Variants in DPYD observed in about 807,000 individuals in gnomAD.
DPYD encodes the protein dihydropyrimidine dehydrogenase, also known as dihydropyrimidine dehydrogenase [NADP(+)].
Under a neutral mutation model 116.2 loss-of-function variants are expected in DPYD, and 109 were observed. That is an observed-to-expected ratio of 0.94 (90% CI 0.80 to 1.10). The LOEUF (loss-of-function observed/expected upper bound fraction) is 1.10, where lower values mean the gene tolerates loss of function less well. Ranked by LOEUF, DPYD falls within the 50% of genes least tolerant of loss-of-function variation. The probability of loss-of-function intolerance (pLI) is 0.00; values close to 1 mark genes in which losing one functional copy is unlikely to be tolerated. For synonymous variants in DPYD, 440 were observed against 432.0 expected, an observed-to-expected ratio of 1.02 and a Z score of -0.23; for missense variants, 1,302 against 1,254.5, an observed-to-expected ratio of 1.04 and a Z score of -0.57.
intron 12 of DPYD, among the ~76,000 whole-genome samples, chr1:97,534,396 C>G (rs964884073): frequency 6.6e-6 from 1 of 152,034 alleles, no homozygotes; most frequent in Non-Finnish European, 1.5e-5. Context: ...GTTCTGACTT[C>G]CACATGCTCA....
intron 1 of DPYD, among the ~76,000 whole-genome samples, chr1:97,912,280 T>C (rs764314745): frequency 3.0e-4 from 45 of 151,402 alleles, no homozygotes; most frequent in Non-Finnish European, 6.2e-4. Context: ...TTTAAGCAAA[T>C]AAAAAAAAAT....
At chr1:97,682,713 G>T (rs1190158614) in intron 7 of DPYD, among the ~76,000 whole-genome samples, 1 of 151,832 alleles carries the variant, frequency 6.6e-6, no homozygotes, top group Middle Eastern at 3.2e-3. Context: ...TCATATTACG[G>T]GCATTTTGTT....
intron 20 of DPYD, among the ~76,000 whole-genome samples, chr1:97,191,727 T>C (rs1658386683): frequency 6.6e-6 from 1 of 152,190 alleles, no homozygotes; most frequent in African/African-American, 2.4e-5. Context: ...AATGATTTTA[T>C]AGATGGTCAT....
intron 16 of DPYD, among the ~76,000 whole-genome samples, chr1:97,365,401 TA>T (rs1316064212): frequency 6.6e-6 from 1 of 152,218 alleles, no homozygotes; most frequent in Non-Finnish European, 1.5e-5. Context: ...AATCATGAAC[TA>T]AGACCATAGC....
chr1:97,891,106 C>A (rs1316245573), intron 1 of DPYD, among the ~76,000 whole-genome samples: 1 of 151,850 alleles, frequency 6.6e-6, no homozygotes, highest in Admixed American at 6.6e-5. Context: ...TGGTTCAGAG[C>A]TGTTAAAAAT....
At chr1:97,374,677 C>CCACTG (rs1289499245) in intron 15 of DPYD, among the ~76,000 whole-genome samples, 2 of 134,084 alleles carry the variant, frequency 1.5e-5, no homozygotes, top group South Asian at 4.8e-4. Context: ...TGAGATCGCA[C>CCACTG]CACTGCACTC....
intron 2 of DPYD, among the ~76,000 whole-genome samples, chr1:97,843,811 T>C (rs1046494269): frequency 6.6e-6 from 1 of 152,210 alleles, no homozygotes; most frequent in Non-Finnish European, 1.5e-5. Context: ...CTAAATATTC[T>C]AGGCATCTGC....
chr1:97,237,241 CAAAAAAAAAAAAAAAAAAAA>C (rs58926889), intron 18 of DPYD, among the ~76,000 whole-genome samples: 2 of 57,700 alleles, frequency 3.5e-5, no homozygotes, highest in African/African-American at 1.4e-4. Context: ...GATTCTGTCT[CAAAAAAAAAAAAAAAAAAAA>C]AAAAAAAAAA....
At chr1:97,445,168 A>C (rs147410827) in intron 14 of DPYD, among the ~76,000 whole-genome samples, 1 of 152,202 alleles carries the variant, frequency 6.6e-6, no homozygotes, top group Non-Finnish European at 1.5e-5. Context: ...CCTCTTCCAC[A>C]GTCATAACTA....
chr1:97,418,733 C>T (rs1483812964), intron 14 of DPYD, among the ~76,000 whole-genome samples: 2 of 151,982 alleles, frequency 1.3e-5, no homozygotes, highest in African/African-American at 2.4e-5. Flanking sequence ...CTTCTCAGTG[C>T]AAAAATACAC....
intron 16 of DPYD, among the ~76,000 whole-genome samples, chr1:97,342,086 T>C (rs1669614133): frequency 6.6e-6 from 1 of 152,218 alleles, no homozygotes; most frequent in Admixed American, 6.5e-5. Context: ...CTTGAGTCAA[T>C]GAATTTATTT....
At chr1:97,755,787 G>T (rs754535693) in intron 3 of DPYD, among the ~76,000 whole-genome samples, 2 of 152,108 alleles carry the variant, frequency 1.3e-5, no homozygotes, top group Non-Finnish European at 2.9e-5. Flanking sequence ...GCTAATTATA[G>T]TCTAGACATC....
chr1:97,430,468 T>C (rs1189085139), intron 14 of DPYD, among the ~76,000 whole-genome samples: 2 of 152,164 alleles, frequency 1.3e-5, no homozygotes, highest in Admixed American at 6.6e-5. Flanking sequence ...ATATGTCCTT[T>C]ATTTATAAGA....
intron 17 of DPYD, 21 bp downstream of exon 17, chr1:97,306,156 T>A: frequency 6.2e-7 from 1 of 1,611,956 alleles, no homozygotes; most frequent in Non-Finnish European, 8.5e-7. Flanking sequence ...AGCGGGCAAC[T>A]GATTCAAGTC....
chr1:97,816,614 T>C (rs1197832669), intron 3 of DPYD, among the ~76,000 whole-genome samples: 2 of 152,182 alleles, frequency 1.3e-5, no homozygotes, highest in African/African-American at 4.8e-5. Flanking sequence ...AGAGCAACAT[T>C]ATACTGTTTC....
chr1:97,584,627 T>C (rs571188303), intron 10 of DPYD, among the ~76,000 whole-genome samples: 3 of 151,940 alleles, frequency 2.0e-5, no homozygotes, highest in African/African-American at 7.2e-5. Flanking sequence ...CCATAAAAAA[T>C]GATGAGTTCA....
chr1:97,600,231 C>T (rs1390446261), intron 8 of DPYD, among the ~76,000 whole-genome samples: 1 of 152,064 alleles, frequency 6.6e-6, no homozygotes, highest in Admixed American at 6.6e-5. Context: ...TAGCTGATGG[C>T]AAATACCGTA....
chr1:97,594,470 T>C (rs1290738295), intron 9 of DPYD, among the ~76,000 whole-genome samples: 1 of 152,202 alleles, frequency 6.6e-6, no homozygotes, highest in African/African-American at 2.4e-5. Flanking sequence ...AATGTAGGAA[T>C]AGCTGTGGCT....
At chr1:97,490,405 ATT>A (rs1377578112) in intron 13 of DPYD, among the ~76,000 whole-genome samples, 1 of 147,954 alleles carries the variant, frequency 6.8e-6, no homozygotes, top group African/African-American at 2.5e-5. Context: ...ATATATTACA[ATT>A]ATATATTAGT....
Sources: allele counts gnomAD v4.1 joint callset (sites outside exome capture counted in the v4.1 genomes callset), GRCh38; gene constraint gnomAD v4.1.1; transcripts MANE v1.5; gene names NCBI Gene and HGNC (gene_info 2026-07-23, HGNC 2026-07-21).